Variants in CHCHD3 observed in about 807,000 individuals in gnomAD.
The protein encoded by CHCHD3 is MICOS complex subunit MIC19.
In CHCHD3, 20 loss-of-function variants were observed where a neutral mutation model predicts 38.2. That is an observed-to-expected ratio of 0.52 (90% CI 0.37 to 0.76). The LOEUF is 0.76. CHCHD3 is among the 30% of genes least tolerant of loss of function. The pLI is 0.00. For missense variants in CHCHD3, 245 were observed against 279.2 expected (o/e 0.88, Z 0.87); for synonymous variants, 82 against 100.0 (o/e 0.82, Z 1.07).
chr7:132,966,235 G>A lies in CHCHD3; in HGVS notation c.369+8934C>T, dbSNP rs374216369. Among the ~76,000 whole-genome samples, 62 of 152,244 alleles carry A rather than the reference G, an allele frequency of 4.1e-4. 1 individual carries two copies. The highest frequency in any genetic ancestry group is 3.4e-3 in the Middle Eastern group (1 of 294). ...CCTTACTTCATTTGGTAATTCTGCC[G>A]TTTGGTATTTTCAAGAGAAGTCATC... On this transcript the variant is annotated intron_variant, in intron 4 of 7. Transcript: ENST00000262570.
At chr7:133,063,128 T>A (rs1182249417) in intron 2 of CHCHD3, among the ~76,000 whole-genome samples, 1 of 152,250 alleles carries the variant, frequency 6.6e-6, no homozygotes, top group Non-Finnish European at 1.5e-5. Context: ...GGAAGTTTTC[T>A]ATGCCCTCCT....
At chr7:132,854,439 G>A (rs564548790) in intron 5 of CHCHD3, among the ~76,000 whole-genome samples, 47 of 152,144 alleles carry the variant, frequency 3.1e-4, no homozygotes, top group African/African-American at 9.2e-4. Flanking sequence ...GGACAGTTAC[G>A]CAACAGTTTC....
At chr7:132,835,127 A>C (rs1807746463) in intron 6 of CHCHD3, among the ~76,000 whole-genome samples, 1 of 149,780 alleles carries the variant, frequency 6.7e-6, no homozygotes. Context: ...GGCATGCGCC[A>C]CCACACCTGG....
intron 4 of CHCHD3, among the ~76,000 whole-genome samples, chr7:132,907,435 T>C (rs956988053): frequency 6.6e-6 from 1 of 152,088 alleles, no homozygotes; most frequent in Non-Finnish European, 1.5e-5. Context: ...TTTCATCAAC[T>C]GGACTAGAAC....
intron 5 of CHCHD3, among the ~76,000 whole-genome samples, chr7:132,863,409 G>A (rs1808541724): frequency 6.6e-6 from 1 of 152,162 alleles, no homozygotes; most frequent in Non-Finnish European, 1.5e-5. Context: ...CAGTAAACCA[G>A]GCTGTAAACA....
intron 4 of CHCHD3, among the ~76,000 whole-genome samples, chr7:132,917,345 G>C (rs1348821396): frequency 6.6e-6 from 1 of 151,954 alleles, no homozygotes; most frequent in Non-Finnish European, 1.5e-5. Flanking sequence ...AGAGCCAGTC[G>C]TAATCCTCTA....
chr7:133,062,027 T>C (rs561481390), intron 2 of CHCHD3, among the ~76,000 whole-genome samples: 3 of 152,170 alleles, frequency 2.0e-5, no homozygotes, highest in African/African-American at 7.2e-5. Context: ...GGAGTGACTC[T>C]GAATAAACCA....
At chr7:132,996,187 G>A (rs1812410252) in intron 3 of CHCHD3, among the ~76,000 whole-genome samples, 1 of 152,128 alleles carries the variant, frequency 6.6e-6, no homozygotes, top group Admixed American at 6.5e-5. Context: ...AAACATTGAT[G>A]TACATGTCTC....
intron 1 of CHCHD3, among the ~76,000 whole-genome samples, chr7:133,071,503 C>G (rs1317261778): frequency 1.8e-4 from 28 of 152,038 alleles, no homozygotes; most frequent in Admixed American, 1.6e-3. Flanking sequence ...GGGAATGGCA[C>G]GATCAGATTT....
chr7:133,065,368 G>A (rs1385563894), intron 2 of CHCHD3, among the ~76,000 whole-genome samples: 1 of 152,000 alleles, frequency 6.6e-6, no homozygotes, highest in African/African-American at 2.4e-5. Flanking sequence ...GTCTTCAGAG[G>A]AACCCACTTT....
At position 133,035,454 on chromosome 7, in the gene CHCHD3, C is replaced by T. The variant is rs1813645670; in HGVS notation, c.170-10827G>A. On this transcript the variant is annotated intron_variant, in intron 2 of 7. Transcript: ENST00000262570. This position sits in a 1 kb window ranked among gnomAD's most constrained non-coding sequence, Gnocchi z 4.7. Reference sequence around the variant, plus strand: ...AACTGTGATGTCAGCCAATGTCACTCGTTCGCCCACCAGAAAAGTCCTCGT... The same window carrying T: ...AACTGTGATGTCAGCCAATGTCACTTGTTCGCCCACCAGAAAAGTCCTCGT... 1.9e-6 allele frequency: 3 copies of T among 1,613,546 alleles called. No homozygotes were observed. The highest frequency in any genetic ancestry group is 1.7e-5 in the Admixed American group (1 of 60,008).
At chr7:132,929,576 AACT>A (rs1451669183) in intron 4 of CHCHD3, among the ~76,000 whole-genome samples, 1 of 152,162 alleles carries the variant, frequency 6.6e-6, no homozygotes, top group African/African-American at 2.4e-5. Flanking sequence ...ATATGTTTCC[AACT>A]TATTTAATGA....
intron 1 of CHCHD3, 103 bp downstream of exon 1, chr7:133,081,754 A>T (rs1174011731): frequency 7.9e-6 from 9 of 1,137,488 alleles, no homozygotes; most frequent in Non-Finnish European, 1.2e-5. Flanking sequence ...TTAATACGCT[A>T]GGGTCCAGGA....
chr7:132,828,040 T>C (rs937887378), intron 6 of CHCHD3, among the ~76,000 whole-genome samples: 1 of 152,216 alleles, frequency 6.6e-6, no homozygotes, highest in Non-Finnish European at 1.5e-5. Context: ...TTCGGATTGT[T>C]GCTAGTTTTT....
At chr7:132,817,470 C>T (rs186696178) in intron 6 of CHCHD3, among the ~76,000 whole-genome samples, 1 of 151,754 alleles carries the variant, frequency 6.6e-6, no homozygotes, top group East Asian at 1.9e-4. Flanking sequence ...ACAAAAGGTC[C>T]AATTGAGAAA....
intron 5 of CHCHD3, among the ~76,000 whole-genome samples, chr7:132,861,864 C>A (rs997443309): frequency 6.6e-6 from 1 of 152,050 alleles, no homozygotes; most frequent in Non-Finnish European, 1.5e-5. Flanking sequence ...TTTGCTGATG[C>A]CTGGTCTATC....
chr7:133,024,221 A>G (rs1222728370), intron 3 of CHCHD3, among the ~76,000 whole-genome samples: 1 of 152,226 alleles, frequency 6.6e-6, no homozygotes, highest in African/African-American at 2.4e-5. Context: ...ATAATTTTCA[A>G]TGATGCATAC....
intron 2 of CHCHD3, among the ~76,000 whole-genome samples, chr7:133,052,258 A>G (rs1023635399): frequency 2.6e-5 from 4 of 152,138 alleles, no homozygotes; most frequent in African/African-American, 9.7e-5. Context: ...TCTCCCTGAA[A>G]AATGACCCGA....
chr7:132,928,997 T>C (rs6966015), intron 4 of CHCHD3, among the ~76,000 whole-genome samples: 16 of 152,120 alleles, frequency 1.1e-4, no homozygotes, highest in Admixed American at 2.0e-4. Context: ...TTGGCTTCTT[T>C]CCCTCGACTC....
Sources: gnomAD v4.1 joint callset for allele counts (sites outside exome capture counted in the v4.1 genomes callset) on GRCh38, gnomAD v4.1.1 for gene constraint, Gnocchi (gnomAD v3.1) non-coding constraint, MANE v1.5 for transcripts, NCBI Gene and HGNC (gene_info 2026-07-23, HGNC 2026-07-21) for gene names.